Variants in MICAL3 observed in about 807,000 individuals in gnomAD.
The protein encoded by MICAL3 is [F-actin]-monooxygenase MICAL3.
Under a neutral mutation model 207.4 loss-of-function variants are expected in MICAL3, and 62 were observed. That is an observed-to-expected ratio of 0.30 (90% CI 0.24 to 0.37). The LOEUF is 0.37. Among genes scored for constraint, MICAL3 ranks in the 10% least tolerant of loss-of-function variants. The pLI is 1.00. For missense variants in MICAL3, 2,368 were observed against 2,635.6 expected (o/e 0.90, Z 2.22); for synonymous variants, 1,077 against 1,069.3 (o/e 1.01, Z -0.14).
rs887107730 is a variant in MICAL3 at position 17,900,560 on chromosome 22, C to A, written c.847+282G>T. Among the ~76,000 whole-genome samples, 13 of 152,184 alleles carry A rather than the reference C, an allele frequency of 8.5e-5. No homozygotes were observed. The highest frequency in any genetic ancestry group is 2.9e-4 in the African/African-American group (12 of 41,426). On this transcript the variant is annotated intron_variant, in intron 6 of 31. Coordinates refer to ENST00000441493, the MANE Select transcript of MICAL3 (RefSeq NM_015241.3). This position sits in a 1 kb window ranked among gnomAD's most constrained non-coding sequence, Gnocchi z 4.0. ...GAGGCTGCAGTGAGCCGAGATCACG[C>A]CACTGAACTCCAGCCTGGGCAACAG... is the stretch of plus-strand genomic sequence containing the variant.
Position 17,788,642 on chromosome 22 carries a change from A to C in MICAL3, c.*2090T>G, listed in dbSNP as rs1215918230. On this transcript the variant is annotated 3_prime_UTR_variant, in exon 32 of 32. Transcript: ENST00000441493. ...CCCTCCTCTCCCCTTTTTTAAGTAA[A>C]GAGAAAAGAAAAGGAGACCTTTGCC... 6.6e-6 allele frequency: 1 copy of C among 152,246 alleles called. No individual in the cohort carries two copies. Among genetic ancestry groups the C allele is most frequent in the East Asian group, 1.9e-4 (1 of 5,204 alleles). 9.4% of individuals were successfully genotyped at this position (152,246 alleles called of 1,614,324 possible).
intron 17 of MICAL3, 46 bp downstream of exon 17, chr22:17,871,790 GT>G: frequency 6.5e-7 from 1 of 1,537,472 alleles, no homozygotes; most frequent in Non-Finnish European, 8.8e-7. Context: ...TGGAAACACT[GT>G]CCAAGCACAG....
intron 17 of MICAL3, 26 bp downstream of exon 17, chr22:17,871,810 TG>T: frequency 5.7e-6 from 9 of 1,571,444 alleles, no homozygotes; most frequent in Non-Finnish European, 7.8e-6. Context: ...AGTTTCTCAG[TG>T]GGGCCGGAGG....
chr22:17,982,371 C>T (rs948794941), intron 1 of MICAL3, among the ~76,000 whole-genome samples: 28 of 152,204 alleles, frequency 1.8e-4, no homozygotes, highest in Admixed American at 7.9e-4. Flanking sequence ...ACTCAGCATA[C>T]GCTGAAATAT....
chr22:17,837,274 G>C (rs1384152845), intron 20 of MICAL3, among the ~76,000 whole-genome samples: 1 of 152,240 alleles, frequency 6.6e-6, no homozygotes. Context: ...AGCCCTGAGG[G>C]AGCGGCCTTC....
At chr22:17,930,884 C>T (rs1477979481) in intron 1 of MICAL3, among the ~76,000 whole-genome samples, 1 of 152,272 alleles carries the variant, frequency 6.6e-6, no homozygotes, top group African/African-American at 2.4e-5. Context: ...CTCTTCCTCA[C>T]GCTGGCCCTG....
chr22:17,946,691 A>T (rs1934084322), intron 1 of MICAL3, among the ~76,000 whole-genome samples: 1 of 152,224 alleles, frequency 6.6e-6, no homozygotes, highest in Non-Finnish European at 1.5e-5. Context: ...TGTGGAAGAT[A>T]GAGGAAAAGC....
chr22:17,803,985 C>T (rs887863526), intron 29 of MICAL3: 7 of 316,684 alleles, frequency 2.2e-5, no homozygotes, highest in Non-Finnish European at 3.2e-5. Context: ...ACAGACACAG[C>T]GAGGCGGCAG....
At chr22:17,963,427 C>A (rs552104654) in intron 1 of MICAL3, among the ~76,000 whole-genome samples, 1 of 152,238 alleles carries the variant, frequency 6.6e-6, no homozygotes, top group African/African-American at 2.4e-5. Context: ...GCTCCCCTTG[C>A]CTTCACATAA....
chr22:17,791,381 CAA>C (rs1033472427), intron 29 of MICAL3, 80 bp from the exon 30 acceptor site: 2 of 1,214,588 alleles, frequency 1.6e-6, no homozygotes, highest in Admixed American at 2.0e-5. Context: ...GGCAAATGTG[CAA>C]AGAGGGCCGA....
rs1924681034 is a variant in MICAL3, at chr22:18,024,521, CCCGCCGGGACT to C, written c.-326_-316del. ...CGGGTGCCTGCCTACGCGGGCGCTCCCCGCCGGGACTCCGCCGGGGCTGCAGGAGCGCGCGC... is the reference window on the plus strand; with the variant it reads ...CGGGTGCCTGCCTACGCGGGCGCTCCCCGCCGGGGCTGCAGGAGCGCGCGC... On this transcript the variant is annotated 5_prime_UTR_variant, in exon 1 of 32. Coordinates refer to ENST00000441493, the MANE Select transcript of MICAL3 (RefSeq NM_015241.3). 1 of 151,844 alleles carries C rather than the reference CCCGCCGGGACT, an allele frequency of 6.6e-6. No homozygotes were observed. Among genetic ancestry groups the C allele is most frequent in the African/African-American group, 2.4e-5 (1 of 41,408 alleles). 9.4% of individuals were successfully genotyped at this position (151,844 alleles called of 1,614,324 possible). A position where few individuals can be genotyped will look rare whatever the true frequency, so the allele number is the denominator to read the frequency against.
In MICAL3 at chr22:17,841,668, G is replaced by C. The variant is rs571212732; in HGVS notation, c.2801+154C>G. On this transcript the variant is annotated intron_variant, in intron 20 of 31. Coordinates refer to ENST00000441493, the MANE Select transcript of MICAL3 (RefSeq NM_015241.3). This position sits in a 1 kb window ranked among gnomAD's most constrained non-coding sequence, Gnocchi z 4.2. ...GGAGTCCTCACTGACTAGAAGATGAGGCTAAGAACCTAAAAGGGACTGGGG... is the reference window on the plus strand; with the variant it reads ...GGAGTCCTCACTGACTAGAAGATGACGCTAAGAACCTAAAAGGGACTGGGG... 50 of 693,728 alleles carry C rather than the reference G, an allele frequency of 7.2e-5. 1 individual carries two copies. Among genetic ancestry groups the C allele is most frequent in the South Asian group, 4.5e-4 (25 of 56,064 alleles). 43.0% of individuals were successfully genotyped at this position (693,728 alleles called of 1,614,324 possible). A position where few individuals can be genotyped will look rare whatever the true frequency, so the allele number is the denominator to read the frequency against.
intron 19 of MICAL3, chr22:17,863,909 T>A (rs909670061): frequency 3.0e-6 from 3 of 985,334 alleles, no homozygotes; most frequent in Non-Finnish European, 3.6e-6. Flanking sequence ...GAGTTTTGTA[T>A]ATAGCTGCTT....
In MICAL3 at chr22:17,886,134, A is replaced by C. The variant is rs982387343; in HGVS notation, c.2068-83T>G. ...CCTCCCTCACAGAAGTGCACTCAGGACCTGGCATGGGGGCTGGTGGACTGG... is the reference window on the plus strand; with the variant it reads ...CCTCCCTCACAGAAGTGCACTCAGGCCCTGGCATGGGGGCTGGTGGACTGG... On this transcript the variant is annotated intron_variant, in intron 15 of 31. Coordinates refer to ENST00000441493, the MANE Select transcript of MICAL3 (RefSeq NM_015241.3). 4 of 1,461,074 alleles carry C rather than the reference A, an allele frequency of 2.7e-6. No individual in the cohort carries two copies. In the Admixed American group the frequency reaches 6.9e-5, roughly 25 times the overall value. 90.5% of individuals were successfully genotyped at this position (1,461,074 alleles called of 1,614,324 possible).
At chr22:17,881,336 A>C in intron 16 of MICAL3, 2 of 1,555,654 alleles carry the variant, frequency 1.3e-6, no homozygotes, top group Non-Finnish European at 1.8e-6. Flanking sequence ...CAGAGAGAAC[A>C]TCATTCAAAC....
Position 17,895,264 on chromosome 22 carries a change from T to C in MICAL3, c.1449+20A>G. ...TCCTGCAGATGGGCCCAGATGTAAATACTGACAAGAAGGTCTTACCTGGCT... is the reference window on the plus strand; with the variant it reads ...TCCTGCAGATGGGCCCAGATGTAAACACTGACAAGAAGGTCTTACCTGGCT... On this transcript the variant is annotated intron_variant, in intron 10 of 31. Transcript: ENST00000441493. 1.2e-6 allele frequency: 2 copies of C among 1,612,198 alleles called. No individual in the cohort carries two copies. The highest frequency in any genetic ancestry group is 1.7e-6 in the Non-Finnish European group (2 of 1,179,086).
Position 17,841,789 on chromosome 22 carries a change from G to T in MICAL3, c.2801+33C>A. 1 of 1,537,252 alleles carries T rather than the reference G, an allele frequency of 6.5e-7. No homozygotes were observed. ...GTGAGGAGGCTCTTAGGGCCGTGTG[G>T]CGGGTGGGCGCCCTGCAGCCCTGCG... On this transcript the variant is annotated intron_variant, in intron 20 of 31. Coordinates refer to ENST00000441493, the MANE Select transcript of MICAL3 (RefSeq NM_015241.3). This position sits in a 1 kb window ranked among gnomAD's most constrained non-coding sequence, Gnocchi z 4.2.
intron 1 of MICAL3, among the ~76,000 whole-genome samples, chr22:17,974,216 C>T (rs1935535901): frequency 6.6e-6 from 1 of 152,162 alleles, no homozygotes; most frequent in African/African-American, 2.4e-5. Flanking sequence ...AGCTCCACCA[C>T]CCTGCTGTCT....
intron 16 of MICAL3, among the ~76,000 whole-genome samples, chr22:17,881,875 T>C (rs1249325984): frequency 6.6e-6 from 1 of 152,220 alleles, no homozygotes; most frequent in Non-Finnish European, 1.5e-5. Flanking sequence ...GCCATATACA[T>C]GTCCCTGGCT....
Sources: gnomAD v4.1 joint callset for allele counts (sites outside exome capture counted in the v4.1 genomes callset) on GRCh38, gnomAD v4.1.1 for gene constraint, Gnocchi (gnomAD v3.1) non-coding constraint, MANE v1.5 for transcripts, NCBI Gene and HGNC (gene_info 2026-07-23, HGNC 2026-07-21) for gene names.